The following AUH variants were observed in gnomAD, a reference collection of about 807,000 sequenced individuals.
AUH encodes the protein AU RNA binding methylglutaconyl-CoA hydratase, also known as methylglutaconyl-CoA hydratase, mitochondrial.
In AUH, 29 loss-of-function variants were observed where a neutral mutation model predicts 42.3. The ratio of observed to expected loss-of-function variants is 0.69; its 90% CI spans 0.51 to 0.93. The LOEUF (loss-of-function observed/expected upper bound fraction) is 0.93, where lower values mean the gene tolerates loss of function less well. AUH is among the 40% of genes least tolerant of loss of function. The pLI is 0.00. For synonymous variants in AUH, 174 were observed against 166.4 expected (o/e 1.05, Z -0.35); for missense variants, 452 against 438.1 (o/e 1.03, Z -0.28).
At chr9:91,346,422 T>C (rs1323381392) in intron 3 of AUH, among the ~76,000 whole-genome samples, 1 of 152,192 alleles carries the variant, frequency 6.6e-6, no homozygotes, top group Non-Finnish European at 1.5e-5. Flanking sequence ...GGAGAGGGTA[T>C]GGAAGCTCTG....
chr9:91,221,772 T>G (rs1171454912), intron 6 of AUH, among the ~76,000 whole-genome samples: 3 of 152,228 alleles, frequency 2.0e-5, no homozygotes, highest in Non-Finnish European at 4.4e-5. Flanking sequence ...TCAGAATAGT[T>G]CTACAGCAAA....
chr9:91,214,489 ACTAT>A (rs1324571427), intron 9 of AUH, 64 bp from the exon 10 acceptor site: 1 of 1,379,984 alleles, frequency 7.2e-7, no homozygotes, highest in Non-Finnish European at 9.9e-7. Flanking sequence ...TTTATCAAGC[ACTAT>A]CTAAGAAAAC....
At chr9:91,287,993 A>G (rs1826549300) in intron 6 of AUH, among the ~76,000 whole-genome samples, 1 of 152,022 alleles carries the variant, frequency 6.6e-6, no homozygotes, top group Non-Finnish European at 1.5e-5. Flanking sequence ...TAAAGGGTAT[A>G]AAAATGTGTG....
chr9:91,214,192 C>T lies in AUH; in HGVS notation c.*156G>A, dbSNP rs893910546. 76 of 680,434 alleles carry T rather than the reference C, an allele frequency of 1.1e-4. No individual in the cohort carries two copies. The highest frequency in any genetic ancestry group is 9.1e-4 in the South Asian group (58 of 63,580). The allele number at this position is 680,434 out of a possible 1,614,324, so 42.1% of individuals were successfully genotyped here. A position where few individuals can be genotyped will look rare whatever the true frequency, so the allele number is the denominator to read the frequency against. Reference sequence around the variant, plus strand: ...CATTTACACATTTGAATGAAGTACACGGATGGGTCCATTCCAGATGCTTAT... The same window carrying T: ...CATTTACACATTTGAATGAAGTACATGGATGGGTCCATTCCAGATGCTTAT... On this transcript the variant is annotated 3_prime_UTR_variant, in exon 10 of 10. Coordinates refer to ENST00000375731, the MANE Select transcript of AUH (RefSeq NM_001698.3).
intron 6 of AUH, among the ~76,000 whole-genome samples, chr9:91,250,077 G>GA (rs138894846): frequency 0.075 from 11,341 of 151,426 alleles, 704 homozygotes; most frequent in East Asian, 0.25. Context: ...TAGAAAGAAG[G>GA]AAAAAAAATG....
intron 3 of AUH, among the ~76,000 whole-genome samples, chr9:91,330,220 A>G (rs1308924220): frequency 2.6e-5 from 4 of 152,188 alleles, no homozygotes; most frequent in Non-Finnish European, 5.9e-5. Flanking sequence ...TATCACTTTC[A>G]AAACATCCAA....
At chr9:91,321,813 A>T (rs1203324031) in intron 4 of AUH, among the ~76,000 whole-genome samples, 4 of 152,210 alleles carry the variant, frequency 2.6e-5, no homozygotes, top group Admixed American at 6.5e-5. Context: ...GCATAAATAA[A>T]GCTGTATTGG....
rs545927462 is a variant in AUH, at chr9:91,345,991, A to C, written c.418+9892T>G. 3.9e-5 allele frequency among the ~76,000 whole-genome samples: 6 copies of C among 152,140 alleles called. No homozygotes were observed. In the South Asian group the frequency reaches 6.2e-4, roughly 16 times the overall value. ...GAAAATGCAACAAAACAAAAACCCCAAAAAAAGCCACCTGTGTATAAAAAA... is the reference window on the plus strand; with the variant it reads ...GAAAATGCAACAAAACAAAAACCCCCAAAAAAGCCACCTGTGTATAAAAAA... On this transcript the variant is annotated intron_variant, in intron 3 of 9. Transcript: ENST00000375731.
intron 4 of AUH, among the ~76,000 whole-genome samples, chr9:91,314,697 A>T (rs569609259): frequency 7.9e-5 from 12 of 152,082 alleles, no homozygotes; most frequent in Non-Finnish European, 1.5e-5. Context: ...GGGAGGTCAG[A>T]CCATCTCCCT....
At chr9:91,232,820 C>A in intron 6 of AUH, among the ~76,000 whole-genome samples, 1 of 152,222 alleles carries the variant, frequency 6.6e-6, no homozygotes, top group East Asian at 1.9e-4. Flanking sequence ...CTCCAACATT[C>A]AGCTGAAGAG....
chr9:91,244,204 T>G (rs61505970), intron 6 of AUH, among the ~76,000 whole-genome samples: 3,202 of 152,314 alleles, frequency 0.021, 98 homozygotes, highest in African/African-American at 0.065. Context: ...ATAAAATGAA[T>G]GTATTCACCA....
intron 7 of AUH, 104 bp from the exon 8 acceptor site, chr9:91,217,431 C>T: frequency 1.2e-5 from 15 of 1,220,440 alleles, no homozygotes; most frequent in Non-Finnish European, 1.8e-5. Flanking sequence ...CATTGCACAG[C>T]CAGCAATGGC....
chr9:91,328,740 T>A (rs1432250105), intron 3 of AUH, among the ~76,000 whole-genome samples: 1 of 152,264 alleles, frequency 6.6e-6, no homozygotes, highest in Non-Finnish European at 1.5e-5. Flanking sequence ...AAGTATTTGA[T>A]AAAATTCAAT....
intron 6 of AUH, among the ~76,000 whole-genome samples, chr9:91,248,534 T>C (rs1384500964): frequency 6.6e-6 from 1 of 152,164 alleles, no homozygotes; most frequent in African/African-American, 2.4e-5. Context: ...CCAGGGGTAG[T>C]GGGAATATGG....
At chr9:91,333,271 C>G (rs1395981228) in intron 3 of AUH, among the ~76,000 whole-genome samples, 1 of 152,054 alleles carries the variant, frequency 6.6e-6, no homozygotes, top group Non-Finnish European at 1.5e-5. Context: ...TATTTTTGCT[C>G]TGCTTTCAAT....
At chr9:91,317,543 T>C (rs1467452201) in intron 4 of AUH, among the ~76,000 whole-genome samples, 1 of 152,216 alleles carries the variant, frequency 6.6e-6, no homozygotes, top group African/African-American at 2.4e-5. Context: ...AACACTCTTA[T>C]TTCTAATAAT....
intron 4 of AUH, among the ~76,000 whole-genome samples, chr9:91,321,582 G>A (rs1358501195): frequency 2.0e-5 from 3 of 152,088 alleles, no homozygotes; most frequent in Non-Finnish European, 4.4e-5. Context: ...GAACTGAAGT[G>A]AGATTTCTTG....
chr9:91,361,909 G>A lies in AUH; in HGVS notation c.-20C>T. On this transcript the variant is annotated 5_prime_UTR_variant, in exon 1 of 10. Coordinates refer to ENST00000375731, the MANE Select transcript of AUH (RefSeq NM_001698.3). ...CGCCATGTTGTCTGTTTACGGCGTGGACCTGCGACGGCCGCTCCGCCCCCG... is the reference window on the plus strand; with the variant it reads ...CGCCATGTTGTCTGTTTACGGCGTGAACCTGCGACGGCCGCTCCGCCCCCG... 2.2e-6 allele frequency: 3 copies of A among 1,380,352 alleles called. No homozygotes were observed. Among genetic ancestry groups the A allele is most frequent in the Non-Finnish European group, 2.8e-6 (3 of 1,069,078 alleles). 85.5% of individuals were successfully genotyped at this position (1,380,352 alleles called of 1,614,324 possible).
At chr9:91,318,934 C>A (rs1311023781) in intron 4 of AUH, among the ~76,000 whole-genome samples, 5 of 152,188 alleles carry the variant, frequency 3.3e-5, no homozygotes, top group Non-Finnish European at 7.3e-5. Context: ...GTTATTTTGG[C>A]TTCTTTCTAC....
Sources: allele counts gnomAD v4.1 joint callset (sites outside exome capture counted in the v4.1 genomes callset), GRCh38; gene constraint gnomAD v4.1.1; transcripts MANE v1.5; gene names NCBI Gene and HGNC (gene_info 2026-07-23, HGNC 2026-07-21).